The following TNFRSF10A variants were observed in gnomAD, a reference collection of about 807,000 sequenced individuals.
The protein encoded by TNFRSF10A is TNF receptor superfamily member 10a, also known as tumor necrosis factor receptor superfamily member 10A.
A neutral mutation model predicts 42.8 loss-of-function variants in TNFRSF10A; 44 were observed. That is an observed-to-expected ratio of 1.03 (90% CI 0.81 to 1.32). TNFRSF10A has a LOEUF of 1.32. TNFRSF10A is among the 40% of genes most tolerant of loss of function. TNFRSF10A has a pLI of 0.00. For synonymous variants in TNFRSF10A, 259 were observed against 234.2 expected, an observed-to-expected ratio of 1.11 and a Z score of -0.97; for missense variants, 680 against 602.0, an observed-to-expected ratio of 1.13 and a Z score of -1.36.
chr8:23,197,046 G>C (rs988493685), intron 9 of TNFRSF10A, 86 bp downstream of exon 9: 3 of 1,569,124 alleles, frequency 1.9e-6, no homozygotes, highest in South Asian at 2.2e-5. Flanking sequence ...TGCTCTGGAA[G>C]AGCACTCTCA....
chr8:23,215,560 C>T (rs1261842918), intron 1 of TNFRSF10A, among the ~76,000 whole-genome samples: 2 of 152,046 alleles, frequency 1.3e-5, no homozygotes, highest in Admixed American at 1.3e-4. Flanking sequence ...ACAAAACAAA[C>T]AATGAATTCC....
intron 1 of TNFRSF10A, among the ~76,000 whole-genome samples, chr8:23,223,443 T>C (rs969591315): frequency 6.6e-6 from 1 of 152,248 alleles, no homozygotes; most frequent in East Asian, 1.9e-4. Context: ...ACCTTGTCTA[T>C]ACAGGTGAGC....
chr8:23,201,736 C>A, intron 4 of TNFRSF10A, 72 bp downstream of exon 4: 3 of 1,347,258 alleles, frequency 2.2e-6, no homozygotes, highest in Non-Finnish European at 2.1e-6. Context: ...CAAGGAGACT[C>A]GGGTCTTTTT....
chr8:23,190,503 G>A lies in TNFRSF10A; in HGVS notation c.*1191C>T, dbSNP rs951050105. On this transcript the variant is annotated 3_prime_UTR_variant, in exon 10 of 10. Coordinates refer to ENST00000221132, the MANE Select transcript of TNFRSF10A (RefSeq NM_003844.4). ...CAAATAACACATTTGTTTAGGATGA[G>A]AGCTGCCCACTGCCCCCGCCAAAAA... 2.0e-5 allele frequency: 3 copies of A among 152,024 alleles called. No homozygotes were observed. Among genetic ancestry groups the A allele is most frequent in the Non-Finnish European group, 2.9e-5 (2 of 68,012 alleles). The allele number at this position is 152,024 out of a possible 1,614,324, so 9.4% of individuals were successfully genotyped here.
intron 8 of TNFRSF10A, among the ~76,000 whole-genome samples, chr8:23,198,690 GGGGGCT>G (rs1400248797): frequency 5.9e-5 from 9 of 152,148 alleles, no homozygotes; most frequent in Admixed American, 2.6e-4. Context: ...ACCAACACTA[GGGGGCT>G]GTGTGCATGT....
chr8:23,209,539 C>T (rs947681093), intron 2 of TNFRSF10A, among the ~76,000 whole-genome samples: 5 of 152,212 alleles, frequency 3.3e-5, no homozygotes, highest in Non-Finnish European at 7.4e-5. Flanking sequence ...TATGGGAACC[C>T]GCCTCTTGCA....
At chr8:23,214,344 C>T (rs1205826389) in intron 1 of TNFRSF10A, among the ~76,000 whole-genome samples, 7 of 151,902 alleles carry the variant, frequency 4.6e-5, no homozygotes, top group East Asian at 1.9e-4. Flanking sequence ...AAAAATTAAC[C>T]GGGCGTGGTG....
At position 23,191,639 on chromosome 8, in the gene TNFRSF10A, C is replaced by T; in HGVS notation, c.*55G>A. ...TATACATGTTAAAAAAAAAAAAAAC[C>T]TAATATGTATTAACTCCTAACACCT... On this transcript the variant is annotated 3_prime_UTR_variant, in exon 10 of 10. Coordinates refer to ENST00000221132, the MANE Select transcript of TNFRSF10A (RefSeq NM_003844.4). The T allele has an allele frequency of 6.8e-7, 1 of 1,479,394 alleles. No individual in the cohort carries two copies. The highest frequency in any genetic ancestry group is 8.9e-7 in the Non-Finnish European group (1 of 1,121,248). 91.6% of individuals were successfully genotyped at this position (1,479,394 alleles called of 1,614,324 possible).
chr8:23,219,198 G>A (rs1272135756), intron 1 of TNFRSF10A, among the ~76,000 whole-genome samples: 2 of 151,952 alleles, frequency 1.3e-5, no homozygotes, highest in Non-Finnish European at 2.9e-5. Flanking sequence ...ACTGACACAG[G>A]GCTCATTTGT....
rs746169305 is a variant in TNFRSF10A, at chr8:23,199,244, G to A, written c.1014+22C>T. ...TTCACCCCCTGCCTACAAGGTCTTG[G>A]AGGGGCCTGTCCCCAACTCACCAGC... On this transcript the variant is annotated intron_variant, in intron 8 of 9. Transcript: ENST00000221132. 1.3e-5 allele frequency: 21 copies of A among 1,603,406 alleles called. No individual in the cohort carries two copies. In the South Asian group the frequency reaches 2.0e-4, roughly 15 times the overall value.
intron 4 of TNFRSF10A, among the ~76,000 whole-genome samples, chr8:23,201,441 C>A (rs2128847965): frequency 6.6e-6 from 1 of 151,996 alleles, no homozygotes; most frequent in South Asian, 2.1e-4. Flanking sequence ...TAAATATAAC[C>A]CCAGCTGGAT....
chr8:23,199,879 A>C lies in TNFRSF10A; in HGVS notation c.831+7T>G, dbSNP rs1307302875. ...GATGCCCCCAGCTCCTGGAGAAATCAACTCACCCTGTCCATGCACTTGGGG... is the reference window on the plus strand; with the variant it reads ...GATGCCCCCAGCTCCTGGAGAAATCCACTCACCCTGTCCATGCACTTGGGG... On this transcript the variant is annotated splice_region_variant and intron_variant, in intron 7 of 9. Coordinates refer to ENST00000221132, the MANE Select transcript of TNFRSF10A (RefSeq NM_003844.4). 1.2e-6 allele frequency: 2 copies of C among 1,614,134 alleles called. No individual in the cohort carries two copies. The highest frequency in any genetic ancestry group is 3.3e-5 in the Admixed American group (2 of 60,016).
intron 2 of TNFRSF10A, among the ~76,000 whole-genome samples, chr8:23,211,837 G>C (rs867909605): frequency 2.6e-5 from 4 of 152,196 alleles, no homozygotes; most frequent in African/African-American, 7.2e-5. Context: ...GCAGTTGGAC[G>C]CTTATCTGAT....
At chr8:23,224,582 C>T (rs1801307226) in intron 1 of TNFRSF10A, 174 bp downstream of exon 1, 3 of 866,500 alleles carry the variant, frequency 3.5e-6, no homozygotes, top group Non-Finnish European at 5.2e-6. Flanking sequence ...GTCGCTCCTG[C>T]CTGGCCCCGG....
At chr8:23,215,245 C>T (rs1801160890) in intron 1 of TNFRSF10A, among the ~76,000 whole-genome samples, 1 of 152,064 alleles carries the variant, frequency 6.6e-6, no homozygotes, top group Non-Finnish European at 1.5e-5. Context: ...GGCCGGGCGC[C>T]GTGGCTCACG....
chr8:23,197,083 G>T (rs369806055), intron 9 of TNFRSF10A, 49 bp downstream of exon 9: 2 of 1,611,384 alleles, frequency 1.2e-6, no homozygotes, highest in African/African-American at 2.7e-5. Context: ...TTAGGACACC[G>T]TCCCTATTCC....
At chr8:23,207,361 A>G (rs1403296527) in intron 2 of TNFRSF10A, 1 of 580,380 alleles carries the variant, frequency 1.7e-6, no homozygotes, top group Non-Finnish European at 3.3e-6. Flanking sequence ...CAAAATTGGG[A>G]TCATCTAAAC....
chr8:23,224,678 G>T, intron 1 of TNFRSF10A, 78 bp downstream of exon 1: 9 of 1,476,718 alleles, frequency 6.1e-6, no homozygotes, highest in Non-Finnish European at 8.1e-6. Flanking sequence ...AGGCACCCCC[G>T]CCGCGTCCCC....
Position 23,201,981 on chromosome 8 carries a change from C to T in TNFRSF10A, c.518-62G>A, listed in dbSNP as rs2128848156. 1.1e-5 allele frequency: 16 copies of T among 1,464,684 alleles called. No individual in the cohort carries two copies. In the South Asian group the frequency reaches 1.7e-4, roughly 16 times the overall value. The allele number at this position is 1,464,684 out of a possible 1,614,324, so 90.7% of individuals were successfully genotyped here. On this transcript the variant is annotated intron_variant, in intron 3 of 9. Transcript: ENST00000221132. ...CCTGACGTGTCCCTTGACCTTTCCT[C>T]ACCACCCCAACTCCCTCCCCCTCAG...
Sources: gnomAD v4.1 joint callset for allele counts (sites outside exome capture counted in the v4.1 genomes callset) on GRCh38, gnomAD v4.1.1 for gene constraint, MANE v1.5 for transcripts, NCBI Gene and HGNC (gene_info 2026-07-23, HGNC 2026-07-21) for gene names.